The following MARCHF6 variants were observed in gnomAD, a reference collection of about 807,000 sequenced individuals.
The protein encoded by MARCHF6 is E3 ubiquitin-protein ligase MARCHF6.
MARCHF6 carries 31 observed loss-of-function variants against 133.7 expected under a neutral mutation model. That is an observed-to-expected ratio of 0.23 (90% CI 0.17 to 0.31). MARCHF6 has a LOEUF of 0.31. MARCHF6 is among the 10% of genes least tolerant of loss of function. MARCHF6 has a pLI of 1.00. For missense variants in MARCHF6, 723 were observed against 1,121.6 expected, an observed-to-expected ratio of 0.64 and a Z score of 5.08; for synonymous variants, 395 against 402.5, an observed-to-expected ratio of 0.98 and a Z score of 0.22.
chr5:10,393,550 C>A (rs1347042470), intron 7 of MARCHF6, among the ~76,000 whole-genome samples: 2 of 152,210 alleles, frequency 1.3e-5, no homozygotes, highest in African/African-American at 4.8e-5. Flanking sequence ...GCCGTTATTT[C>A]TCTCTCTTGA....
intron 22 of MARCHF6, among the ~76,000 whole-genome samples, chr5:10,418,009 A>C (rs1349982111): frequency 6.6e-6 from 1 of 152,034 alleles, no homozygotes; most frequent in African/African-American, 2.4e-5. Context: ...GAATTGTCTT[A>C]CTCCTTTTGA....
intron 10 of MARCHF6, 51 bp downstream of exon 10, chr5:10,397,395 G>T: frequency 7.6e-7 from 1 of 1,310,270 alleles, no homozygotes; most frequent in Non-Finnish European, 1.1e-6. Context: ...TAGGAATTTA[G>T]TTTTGTAGGA....
chr5:10,438,910 A>T lies in MARCHF6; in HGVS notation c.*5226A>T, dbSNP rs937907113. Reference sequence around the variant, plus strand: ...GTCACACACTTCTCTAAGACCACTCATACGTAAACACTACGTAGAGGCCCC... The same window carrying T: ...GTCACACACTTCTCTAAGACCACTCTTACGTAAACACTACGTAGAGGCCCC... On this transcript the variant is annotated 3_prime_UTR_variant, in exon 26 of 26. Coordinates refer to ENST00000274140, the MANE Select transcript of MARCHF6 (RefSeq NM_005885.4). 2 of 152,186 alleles carry T rather than the reference A, an allele frequency of 1.3e-5. No individual in the cohort carries two copies. Among genetic ancestry groups the T allele is most frequent in the Non-Finnish European group, 2.9e-5 (2 of 68,040 alleles). The allele number at this position is 152,186 out of a possible 1,614,324, so 9.4% of individuals were successfully genotyped here. A position where few individuals can be genotyped will look rare whatever the true frequency, so the allele number is the denominator to read the frequency against.
chr5:10,426,447 G>C lies in MARCHF6; in HGVS notation c.2431G>C (p.Ala811Pro). Residue 811 changes from alanine to proline, a missense_variant, in exon 24 of 26, where the codon GCT (alanine) becomes CCT (proline). Ala to Pro is a conservative substitution (Grantham distance 27). Around this residue, in one of 4 missense-constraint regions of MARCHF6, gnomAD observed 492 missense variants for 699.5 expected, o/e 0.70. Transcript: ENST00000274140. ...TCACTATATTGTTCGTAAACTGGCA[G>C]CTCCCGTGATCTCTGTGCTGTTGCT... ...DLHYIVRKLA[A>P]PVISVLLLSL... 6.2e-7 allele frequency: 1 copy of C among 1,614,116 alleles called. No individual in the cohort carries two copies. The highest frequency in any genetic ancestry group is 2.2e-5 in the East Asian group (1 of 44,870).
In MARCHF6 at chr5:10,419,070, T is replaced by C. The variant is rs1739692121; in HGVS notation, c.2283+1666T>C. Reference sequence around the variant, plus strand: ...CATGCATATGTGGGGAACTGCCTCCTTTCTAGTCTGGTTCATAGACTAGAA... The same window carrying C: ...CATGCATATGTGGGGAACTGCCTCCCTTCTAGTCTGGTTCATAGACTAGAA... On this transcript the variant is annotated intron_variant, in intron 22 of 25. Coordinates refer to ENST00000274140, the MANE Select transcript of MARCHF6 (RefSeq NM_005885.4). 1.3e-5 allele frequency among the ~76,000 whole-genome samples: 2 copies of C among 152,204 alleles called. 1 individual carries two copies. The highest frequency in any genetic ancestry group is 4.1e-4 in the South Asian group (2 of 4,834).
At chr5:10,386,454 CT>C (rs1737488813) in intron 4 of MARCHF6, among the ~76,000 whole-genome samples, 1 of 152,226 alleles carries the variant, frequency 6.6e-6, no homozygotes. Context: ...CTTTGTCTTT[CT>C]CTAAATGGCC....
chr5:10,358,452 A>G (rs561068664), intron 1 of MARCHF6, among the ~76,000 whole-genome samples: 68 of 152,326 alleles, frequency 4.5e-4, no homozygotes, highest in Non-Finnish European at 7.9e-4. Flanking sequence ...GTCAGATGGA[A>G]AATACTTGGA....
At chr5:10,421,377 C>T (rs1005844652) in intron 22 of MARCHF6, among the ~76,000 whole-genome samples, 2 of 152,302 alleles carry the variant, frequency 1.3e-5, no homozygotes, top group South Asian at 2.1e-4. Context: ...AGCTCCCAGA[C>T]GTGTTTCTGA....
chr5:10,366,248 G>A (rs541802832), intron 1 of MARCHF6, among the ~76,000 whole-genome samples: 2 of 152,100 alleles, frequency 1.3e-5, no homozygotes. Context: ...TTAAGGGACT[G>A]TATACATTCC....
intron 4 of MARCHF6, among the ~76,000 whole-genome samples, chr5:10,383,790 T>C (rs1374643783): frequency 1.3e-5 from 2 of 152,296 alleles, no homozygotes; most frequent in Middle Eastern, 3.4e-3. Flanking sequence ...CTGCAATAAT[T>C]AATAGTTTTT....
chr5:10,430,082 A>T (rs557853531), intron 25 of MARCHF6, 54 bp downstream of exon 25: 2 of 1,546,410 alleles, frequency 1.3e-6, no homozygotes, highest in Admixed American at 1.8e-5. Flanking sequence ...TTCTTAATTT[A>T]TGTATCTGAT....
At chr5:10,425,418 T>C (rs1212300520) in intron 23 of MARCHF6, among the ~76,000 whole-genome samples, 1 of 152,222 alleles carries the variant, frequency 6.6e-6, no homozygotes, top group East Asian at 1.9e-4. Flanking sequence ...TGGAACATCA[T>C]TGATCTTCTA....
rs769643438 is a variant in MARCHF6 at position 10,386,982 on chromosome 5, CTT to C, written c.335-8_335-7del. Reference sequence around the variant, plus strand: ...AGTTGTGACTGTGTGCCATCATGCTCTTTTTCGGTAGGCCGCATCTACAAGTG... The same window carrying C: ...AGTTGTGACTGTGTGCCATCATGCTCTTTCGGTAGGCCGCATCTACAAGTG... On this transcript the variant is annotated splice_polypyrimidine_tract_variant and intron_variant, in intron 4 of 25. Transcript: ENST00000274140. 7 of 1,611,772 alleles carry C rather than the reference CTT, an allele frequency of 4.3e-6. No homozygotes were observed. Among genetic ancestry groups the C allele is most frequent in the Non-Finnish European group, 8.5e-7 (1 of 1,178,110 alleles).
At chr5:10,426,280 C>T (rs1740082391) in intron 23 of MARCHF6, 110 bp from the exon 24 acceptor site, 1 of 1,229,086 alleles carries the variant, frequency 8.1e-7, no homozygotes, top group Non-Finnish European at 1.2e-6. Context: ...GAAGAAGTAA[C>T]CAGTTTGACT....
intron 22 of MARCHF6, 74 bp downstream of exon 22, chr5:10,417,478 G>A: frequency 1.3e-6 from 2 of 1,580,076 alleles, no homozygotes; most frequent in Non-Finnish European, 1.7e-6. Flanking sequence ...CCAGGCATGG[G>A]GCTTACGCCT....
At chr5:10,408,886 A>G (rs1013731811) in intron 17 of MARCHF6, among the ~76,000 whole-genome samples, 2 of 152,182 alleles carry the variant, frequency 1.3e-5, no homozygotes, top group Non-Finnish European at 2.9e-5. Flanking sequence ...TTCTTTTTAT[A>G]GCATTTGTTA....
intron 19 of MARCHF6, among the ~76,000 whole-genome samples, chr5:10,414,114 G>C (rs938096843): frequency 2.0e-5 from 3 of 150,072 alleles, no homozygotes; most frequent in African/African-American, 7.4e-5. Context: ...TTGATTAAAA[G>C]GTGAATGTTT....
In MARCHF6 at chr5:10,430,043, C is replaced by T; in HGVS notation, c.2642+15C>T. The T allele has an allele frequency of 6.2e-7, 1 of 1,600,326 alleles. No homozygotes were observed. Among genetic ancestry groups the T allele is most frequent in the Non-Finnish European group, 8.5e-7 (1 of 1,169,694 alleles). ...AAAAATGACAAGTAAGTCTGGCGTT[C>T]TGTTCGTCTCTTGTTTAAGTGTTTT... On this transcript the variant is annotated intron_variant, in intron 25 of 25. Coordinates refer to ENST00000274140, the MANE Select transcript of MARCHF6 (RefSeq NM_005885.4).
intron 1 of MARCHF6, among the ~76,000 whole-genome samples, chr5:10,355,263 G>T (rs1453776098): frequency 6.6e-6 from 1 of 152,218 alleles, no homozygotes; most frequent in Non-Finnish European, 1.5e-5. Flanking sequence ...ACTGCTGAAG[G>T]TTGCGAACTA....
Sources: allele counts gnomAD v4.1 joint callset (sites outside exome capture counted in the v4.1 genomes callset), GRCh38; gene constraint gnomAD v4.1.1; regional missense constraint gnomAD v4.1.1; transcripts MANE v1.5; gene names NCBI Gene and HGNC (gene_info 2026-07-23, HGNC 2026-07-21).